The following ZNF469 variants were observed in gnomAD, a reference collection of about 807,000 sequenced individuals.
ZNF469 encodes zinc finger protein 469.
In ZNF469, 1 loss-of-function variant was observed where a neutral mutation model predicts 1.0. The observed-to-expected ratio is 1.00, with a 90% CI of 0.35 to 4.73. The LOEUF is 4.73. Ranked by LOEUF, ZNF469 falls within the 30% of genes most tolerant of loss-of-function variation. The pLI, the probability that ZNF469 is intolerant of heterozygous loss-of-function variation, is 0.16. For synonymous variants in ZNF469, 2,703 were observed against 2,363.4 expected (o/e 1.14, Z -4.17); for missense variants, 6,100 against 5,356.3 (o/e 1.14, Z -4.33).
the ZNF469 span, among the ~76,000 whole-genome samples, chr16:88,224,675 G>A: frequency 1.3e-5 from 2 of 152,216 alleles, no homozygotes; most frequent in South Asian, 4.1e-4. Context: ...GCCCGGCAAG[G>A]CCGCGAGCTC....
the ZNF469 span, among the ~76,000 whole-genome samples, chr16:88,102,076 C>A: frequency 1.7e-4 from 24 of 142,336 alleles, no homozygotes; most frequent in Non-Finnish European, 3.4e-4. Flanking sequence ...CGCCCCCCGC[C>A]CAGTGTCCTT....
chr16:88,281,894 G>A, the ZNF469 span, among the ~76,000 whole-genome samples: 4 of 152,324 alleles, frequency 2.6e-5, no homozygotes, highest in South Asian at 6.2e-4. Context: ...GTGCCACACT[G>A]ATGCTTGGTC....
the ZNF469 span, among the ~76,000 whole-genome samples, chr16:88,144,843 C>T: frequency 6.7e-6 from 1 of 148,162 alleles, no homozygotes; most frequent in Non-Finnish European, 1.5e-5. Context: ...CCTGTTTTTG[C>T]CCCCCTTTTT....
At chr16:88,118,453 C>A in the ZNF469 span, among the ~76,000 whole-genome samples, 2 of 152,170 alleles carry the variant, frequency 1.3e-5, no homozygotes, top group South Asian at 4.1e-4. Context: ...CCTGGTCCTG[C>A]CCGCCGTGGG....
intron 1 of ZNF469, among the ~76,000 whole-genome samples, chr16:88,384,233 G>A (rs2092532420): frequency 6.6e-6 from 1 of 152,196 alleles, no homozygotes; most frequent in Admixed American, 6.5e-5. Flanking sequence ...TGGGAAGTGA[G>A]CACAGCACGC....
At chr16:88,260,674 T>C in the ZNF469 span, among the ~76,000 whole-genome samples, 1 of 152,212 alleles carries the variant, frequency 6.6e-6, no homozygotes, top group Admixed American at 6.5e-5. The surrounding 1 kb of genome is among the most constrained non-coding windows in gnomAD (Gnocchi z 4.1). Context: ...CCGTCATTTC[T>C]TTTCTCCATG....
chr16:88,327,121 G>A, the ZNF469 span, among the ~76,000 whole-genome samples: 2 of 152,172 alleles, frequency 1.3e-5, no homozygotes, highest in African/African-American at 2.4e-5. Flanking sequence ...CAGGAGTGGG[G>A]CCATCCCCCA....
At chr16:88,361,993 G>T in the ZNF469 span, among the ~76,000 whole-genome samples, 2 of 152,310 alleles carry the variant, frequency 1.3e-5, no homozygotes, top group Admixed American at 6.5e-5. Flanking sequence ...TGAATTGTCA[G>T]TTCTGCTCAT....
chr16:88,381,149 C>G (rs549599570), upstream of ZNF469, among the ~76,000 whole-genome samples: 59 of 147,186 alleles, frequency 4.0e-4, 1 homozygote, highest in African/African-American at 1.3e-3. Flanking sequence ...CACACACACA[C>G]TCACACACAG....
the ZNF469 span, among the ~76,000 whole-genome samples, chr16:88,265,905 G>A: frequency 4.7e-4 from 71 of 152,322 alleles, 2 homozygotes; most frequent in African/African-American, 1.5e-3. Context: ...TTGGCTCAGC[G>A]GAGACCATCT....
At chr16:88,256,515 C>T in the ZNF469 span, among the ~76,000 whole-genome samples, 1 of 152,200 alleles carries the variant, frequency 6.6e-6, no homozygotes, top group Non-Finnish European at 1.5e-5. Context: ...CTATAAACGT[C>T]TGTGTGTAGG....
the ZNF469 span, among the ~76,000 whole-genome samples, chr16:88,267,954 G>A: frequency 6.6e-6 from 1 of 151,898 alleles, no homozygotes; most frequent in African/African-American, 2.4e-5. Flanking sequence ...CATGCCCCCC[G>A]GCAGCAAGGG....
At chr16:88,174,476 G>A in the ZNF469 span, among the ~76,000 whole-genome samples, 30,841 of 98,822 alleles carry the variant, frequency 0.31, 5,405 homozygotes, top group East Asian at 0.5. Context: ...CTGTCTGTCT[G>A]TCTATCTATC....
In ZNF469 at chr16:88,435,207, T is replaced by C; in HGVS notation, c.7737T>C (p.Thr2579=). ...AGCAGCTGCACCCTCCAAGCCCTAC[T>C]GAGCATGAGGTAGATGTGAAGACTC... ...HSQQLHPPSP[T]EHEVDVKTPA... Residue 2579 remains threonine (T), a synonymous_variant, in exon 3 of 3, where the codon ACT becomes ACC. Coordinates refer to ENST00000565624, the MANE Select transcript of ZNF469 (RefSeq NM_001367624.2). 6.5e-7 allele frequency: 1 copy of C among 1,550,328 alleles called. No homozygotes were observed. Among genetic ancestry groups the C allele is most frequent in the Non-Finnish European group, 8.7e-7 (1 of 1,146,984 alleles).
intron 1 of ZNF469, among the ~76,000 whole-genome samples, chr16:88,419,526 C>T (rs1408254581): frequency 1.3e-5 from 2 of 152,144 alleles, no homozygotes; most frequent in Non-Finnish European, 2.9e-5. Context: ...GCACATATTT[C>T]TTGGCCCTTG....
chr16:88,297,953 G>A, the ZNF469 span, among the ~76,000 whole-genome samples: 1 of 152,192 alleles, frequency 6.6e-6, no homozygotes, highest in African/African-American at 2.4e-5. Flanking sequence ...TGTGCTCCCA[G>A]CTTGAGGAAG....
upstream of ZNF469, among the ~76,000 whole-genome samples, chr16:88,379,431 G>A (rs2092515830): frequency 6.6e-6 from 1 of 152,130 alleles, no homozygotes; most frequent in Non-Finnish European, 1.5e-5. Flanking sequence ...CCTTCCAGGA[G>A]GGGTGGACGT....
the ZNF469 span, among the ~76,000 whole-genome samples, chr16:88,320,334 C>G: frequency 1.3e-5 from 2 of 152,190 alleles, no homozygotes; most frequent in Non-Finnish European, 2.9e-5. Context: ...ACAGTGAGGC[C>G]TTGCGTCTTC....
Position 88,383,167 on chromosome 16 carries a change from G to C in ZNF469, c.-279G>C, listed in dbSNP as rs1395001146. ...GGCCTGCGGTCGGGATGAGGACGGCGCCTCCGCTGCAGAGCGCTGGGGCGG... is the reference window on the plus strand; with the variant it reads ...GGCCTGCGGTCGGGATGAGGACGGCCCCTCCGCTGCAGAGCGCTGGGGCGG... On this transcript the variant is annotated 5_prime_UTR_variant, in exon 1 of 3. Transcript: ENST00000565624. Among the ~76,000 whole-genome samples the C allele has an allele frequency of 1.1e-4, 17 of 148,060 alleles. No homozygotes were observed. The highest frequency in any genetic ancestry group is 3.4e-4 in the African/African-American group (14 of 41,124).
Sources: gnomAD v4.1 joint callset for allele counts (sites outside exome capture counted in the v4.1 genomes callset) on GRCh38, gnomAD v4.1.1 for gene constraint, Gnocchi (gnomAD v3.1) non-coding constraint, MANE v1.5 for transcripts, NCBI Gene and HGNC (gene_info 2026-07-23, HGNC 2026-07-21) for gene names.